QPCT: variants seen among roughly 807,000 people sequenced by gnomAD.
QPCT encodes glutaminyl-peptide cyclotransferase.
A neutral mutation model predicts 43.4 loss-of-function variants in QPCT; 44 were observed. The ratio of observed to expected loss-of-function variants is 1.01; its 90% CI spans 0.80 to 1.30. The LOEUF (loss-of-function observed/expected upper bound fraction) is 1.30, where lower values mean the gene tolerates loss of function less well. Ranked by LOEUF, QPCT falls within the 50% of genes most tolerant of loss-of-function variation. The probability of loss-of-function intolerance (pLI) is 0.00; values close to 1 mark genes in which losing one functional copy is unlikely to be tolerated. For missense variants in QPCT, 526 were observed against 436.5 expected, an observed-to-expected ratio of 1.21 and a Z score of -1.83; for synonymous variants, 168 against 168.4, an observed-to-expected ratio of 1.00 and a Z score of 0.02.
intron 3 of QPCT, among the ~76,000 whole-genome samples, chr2:37,360,490 T>C (rs1283105950): frequency 2.0e-5 from 3 of 152,186 alleles, no homozygotes; most frequent in African/African-American, 7.2e-5. Flanking sequence ...AAAAAAGTGC[T>C]AAACTAGATG....
chr2:37,371,497 A>G (rs1673073369), intron 5 of QPCT, among the ~76,000 whole-genome samples: 1 of 151,974 alleles, frequency 6.6e-6, no homozygotes. Flanking sequence ...GTATCAATAA[A>G]CAGACAAGAA....
chr2:37,367,247 A>C lies in QPCT; in HGVS notation c.562A>C (p.Lys188Gln). 1 of 1,613,790 alleles carries C rather than the reference A, an allele frequency of 6.2e-7. No homozygotes were observed. The highest frequency in any genetic ancestry group is 8.5e-7 in the Non-Finnish European group (1 of 1,179,816). The stretch of plus-strand genomic sequence containing the variant: ...TTTTTACCAGACTGTTTCAGACTCC[A>C]AGCCAGATTTGTCACTCCAGCTGAT... ...LLSLKTVSDS[K>Q]PDLSLQLIFF... The change falls in exon 4 of 7, where the codon AAG (lysine) becomes CAG (glutamine). Residue 188 changes from lysine (K) to glutamine (Q), a missense_variant. By Grantham distance (53) the Lys-to-Gln change is moderately conservative. Coordinates refer to ENST00000338415, the MANE Select transcript of QPCT (RefSeq NM_012413.4).
intron 1 of QPCT, among the ~76,000 whole-genome samples, chr2:37,352,162 C>A (rs564535534): frequency 6.6e-6 from 1 of 151,862 alleles, no homozygotes; most frequent in South Asian, 2.1e-4. Context: ...CAAAAAATTA[C>A]CATTTCAACA....
Position 37,344,843 on chromosome 2 carries a change from G to C in QPCT, c.112G>C (p.Glu38Gln). Residue 38 changes from glutamate to glutamine, a missense_variant, in exon 1 of 7, where the codon GAG (glutamate) becomes CAG (glutamine). Transcript: ENST00000338415. ...GVSPSASAWP[E>Q]EKNYHQPAIL... ...CAGTCCGAGTGCCTCAGCCTGGCCA[G>C]AGGAGAAGGTGAGGGGCTGTTTCTG... The C allele has an allele frequency of 6.3e-7, 1 of 1,594,138 alleles. No individual in the cohort carries two copies. The highest frequency in any genetic ancestry group is 8.5e-7 in the Non-Finnish European group (1 of 1,171,586).
chr2:37,361,600 C>T (rs1672859302), intron 3 of QPCT, among the ~76,000 whole-genome samples: 1 of 152,316 alleles, frequency 6.6e-6, no homozygotes, highest in Non-Finnish European at 1.5e-5. Context: ...GCCTGCCAGT[C>T]CCAGCAGAAG....
intron 2 of QPCT, among the ~76,000 whole-genome samples, chr2:37,353,941 T>C (rs1040963141): frequency 1.3e-5 from 2 of 152,234 alleles, no homozygotes; most frequent in East Asian, 1.9e-4. Flanking sequence ...CTCGGTTCCC[T>C]GCAACCTCCA....
chr2:37,353,322 C>T (rs757210101), intron 2 of QPCT, among the ~76,000 whole-genome samples: 1 of 152,158 alleles, frequency 6.6e-6, no homozygotes, highest in East Asian at 1.9e-4. Context: ...GGCCATCACT[C>T]GCCTTAGGGA....
chr2:37,351,955 G>C (rs1164869185), intron 1 of QPCT, among the ~76,000 whole-genome samples: 2 of 151,612 alleles, frequency 1.3e-5, no homozygotes, highest in African/African-American at 2.4e-5. Flanking sequence ...GCTTGAGCCC[G>C]GGAGGTGGAG....
chr2:37,369,785 G>A lies in QPCT; in HGVS notation c.823+1G>A, dbSNP rs1212005371. The A allele has an allele frequency of 1.9e-6, 3 of 1,553,204 alleles. No homozygotes were observed. Among genetic ancestry groups the A allele is most frequent in the Admixed American group, 3.3e-5 (2 of 59,900 alleles). On this transcript the variant is annotated splice_donor_variant, in intron 5 of 6. Transcript: ENST00000338415. LOFTEE classifies it high-confidence loss of function. ...TGGTTCGAAAGACTTCAAGCAATTG[G>A]TAAGCACCACTGTTATTAATGAATA...
At chr2:37,357,724 G>T (rs185263520) in intron 2 of QPCT, among the ~76,000 whole-genome samples, 2 of 152,130 alleles carry the variant, frequency 1.3e-5, no homozygotes, top group Non-Finnish European at 1.5e-5. Context: ...TTGCAGGACC[G>T]ACTGTAGGAT....
At chr2:37,363,836 G>C (rs1270026396) in intron 3 of QPCT, among the ~76,000 whole-genome samples, 1 of 151,940 alleles carries the variant, frequency 6.6e-6, no homozygotes, top group Admixed American at 6.6e-5. Context: ...AGAACAATTG[G>C]TCAATAAGGA....
intron 1 of QPCT, among the ~76,000 whole-genome samples, chr2:37,345,883 G>A (rs1358503408): frequency 6.6e-6 from 1 of 151,760 alleles, no homozygotes; most frequent in Non-Finnish European, 1.5e-5. Flanking sequence ...AATTACATGG[G>A]TTCACAATTA....
At chr2:37,353,584 A>G (rs7596533) in intron 2 of QPCT, among the ~76,000 whole-genome samples, 19,156 of 152,144 alleles carry the variant, frequency 0.13, 3,669 homozygotes, top group African/African-American at 0.42. Context: ...TAACCCACTA[A>G]ACTGATTTCA....
At chr2:37,348,674 A>T (rs559390955) in intron 1 of QPCT, among the ~76,000 whole-genome samples, 1 of 152,336 alleles carries the variant, frequency 6.6e-6, no homozygotes, top group East Asian at 1.9e-4. Flanking sequence ...TGATTAGCCT[A>T]GAAGAGATGC....
At chr2:37,354,635 G>T (rs1672703151) in intron 2 of QPCT, among the ~76,000 whole-genome samples, 1 of 152,146 alleles carries the variant, frequency 6.6e-6, no homozygotes. Flanking sequence ...TCCAGCTCTC[G>T]ATCTTCTCAA....
At chr2:37,347,761 T>C (rs1486823487) in intron 1 of QPCT, among the ~76,000 whole-genome samples, 1 of 152,196 alleles carries the variant, frequency 6.6e-6, no homozygotes, top group Non-Finnish European at 1.5e-5. Context: ...AGTACAACAT[T>C]GTCAACTAGC....
chr2:37,369,645 T>C (rs2124942997), intron 4 of QPCT, 40 bp from the exon 5 acceptor site: 1 of 1,430,320 alleles, frequency 7.0e-7, no homozygotes, highest in East Asian at 2.3e-5. Flanking sequence ...ATAAAACACG[T>C]TTTGGTGATG....
chr2:37,362,230 C>T (rs774119753), intron 3 of QPCT, among the ~76,000 whole-genome samples: 3 of 152,178 alleles, frequency 2.0e-5, no homozygotes, highest in Non-Finnish European at 2.9e-5. Flanking sequence ...TTGTCCCAAC[C>T]GGTCCCGTTC....
rs1672982558 is a variant in QPCT, at chr2:37,367,332, C to T, written c.647C>T (p.Ser216Phe). The change falls in exon 4 of 7, where the codon TCT (serine) becomes TTT (phenylalanine). Residue 216 changes from serine (S) to phenylalanine (F), a missense_variant. Physicochemically the swap from Ser to Phe is radical, Grantham distance 155. Transcript: ENST00000338415. ...TCTCCTCAAGATTCTCTCTATGGGT[C>T]TCGACACTTAGCTGCAAAGATGGCA... ...HWSPQDSLYGSRHLAAKMAST... is the reference protein window; with the variant it reads ...HWSPQDSLYGFRHLAAKMAST... 1 of 1,613,910 alleles carries T rather than the reference C, an allele frequency of 6.2e-7. No homozygotes were observed. Among genetic ancestry groups the T allele is most frequent in the African/African-American group, 1.3e-5 (1 of 74,874 alleles).
Sources: allele counts gnomAD v4.1 joint callset (sites outside exome capture counted in the v4.1 genomes callset), GRCh38; gene constraint gnomAD v4.1.1; transcripts MANE v1.5; gene names NCBI Gene and HGNC (gene_info 2026-07-23, HGNC 2026-07-21).